The following AK5 variants were observed in gnomAD, a reference collection of about 807,000 sequenced individuals.
The protein encoded by AK5 is adenylate kinase 5, also known as adenylate kinase isoenzyme 5.
A neutral mutation model predicts 69.5 loss-of-function variants in AK5; 27 were observed. The ratio of observed to expected loss-of-function variants is 0.39; its 90% CI spans 0.29 to 0.54. AK5 has a LOEUF of 0.54. Among genes scored for constraint, AK5 ranks in the 20% least tolerant of loss-of-function variants. The pLI, the probability that AK5 is intolerant of heterozygous loss-of-function variation, is 0.71. For synonymous variants in AK5, 260 were observed against 244.4 expected (o/e 1.06, Z -0.60); for missense variants, 531 against 700.4 (o/e 0.76, Z 2.73).
At chr1:77,398,860 A>C (rs998748798) in intron 6 of AK5, among the ~76,000 whole-genome samples, 3 of 152,148 alleles carry the variant, frequency 2.0e-5, no homozygotes, top group Non-Finnish European at 4.4e-5. Context: ...ATCTATATTG[A>C]ATTGCATCCT....
At chr1:77,341,854 T>C (rs951100525) in intron 6 of AK5, among the ~76,000 whole-genome samples, 2 of 152,126 alleles carry the variant, frequency 1.3e-5, no homozygotes, top group Admixed American at 6.6e-5. Context: ...GGGTGGATGC[T>C]TCTGTGGCTA....
intron 6 of AK5, among the ~76,000 whole-genome samples, chr1:77,353,640 T>C (rs1662335778): frequency 6.6e-6 from 1 of 152,222 alleles, no homozygotes; most frequent in South Asian, 2.1e-4. Flanking sequence ...ACTCTGACAT[T>C]ACTCCTTGAT....
At chr1:77,445,324 C>T (rs1022157521) in intron 8 of AK5, among the ~76,000 whole-genome samples, 4 of 152,142 alleles carry the variant, frequency 2.6e-5, no homozygotes, top group Non-Finnish European at 5.9e-5. Flanking sequence ...GCAATCCTAA[C>T]AAGTGTGAAG....
intron 5 of AK5, among the ~76,000 whole-genome samples, chr1:77,303,345 A>T (rs1453493368): frequency 6.6e-6 from 1 of 152,246 alleles, no homozygotes; most frequent in African/African-American, 2.4e-5. Context: ...ACCATATGAG[A>T]AATCAAAACA....
chr1:77,534,799 C>T (rs189607260), intron 12 of AK5, among the ~76,000 whole-genome samples: 62 of 152,314 alleles, frequency 4.1e-4, no homozygotes, highest in Admixed American at 1.1e-3. Context: ...ATAGCCATTG[C>T]ACTCCAGCCT....
chr1:77,282,583 A>G, intron 1 of AK5: 1 of 1,342,154 alleles, frequency 7.5e-7, no homozygotes, highest in Non-Finnish European at 9.6e-7. Context: ...AGAAGCCTGC[A>G]TCTCACAGAT....
At chr1:77,310,332 A>G (rs1427663381) in intron 5 of AK5, among the ~76,000 whole-genome samples, 1 of 151,972 alleles carries the variant, frequency 6.6e-6, no homozygotes, top group East Asian at 1.9e-4. Context: ...AATCTAAATT[A>G]TATCCTGATA....
intron 8 of AK5, among the ~76,000 whole-genome samples, chr1:77,423,624 G>A (rs532159300): frequency 1.5e-3 from 228 of 152,000 alleles, no homozygotes; most frequent in African/African-American, 5.4e-3. Flanking sequence ...AAGCAGAAAC[G>A]TCTGTAGAAG....
In AK5 at chr1:77,282,115, G is replaced by A. The variant is rs904584616; in HGVS notation, c.-199G>A. The A allele has an allele frequency of 1.0e-4, 45 of 432,480 alleles. No individual in the cohort carries two copies. Among genetic ancestry groups the A allele is most frequent in the Non-Finnish European group, 1.6e-4 (40 of 244,658 alleles). 26.8% of individuals were successfully genotyped at this position (432,480 alleles called of 1,614,324 possible). A position where few individuals can be genotyped will look rare whatever the true frequency, so the allele number is the denominator to read the frequency against. ...GCTGGAACCGAAGCGGGGGCGGCGG[G>A]AGCGCGGAGACCACAGCCCCCGGGG... On this transcript the variant is annotated 5_prime_UTR_variant, in exon 1 of 14. Transcript: ENST00000354567.
At position 77,558,735 on chromosome 1, in the gene AK5, A is replaced by AATG. The variant is rs1263261874; in HGVS notation, c.*66_*68dup. Reference sequence around the variant, plus strand: ...CATTAAAAAGTTCATTCCTTAACACAATGTTTCAAGTTAAACCTTTTGTGT... The same window carrying AATG: ...CATTAAAAAGTTCATTCCTTAACACAATGATGTTTCAAGTTAAACCTTTTGTGT... On this transcript the variant is annotated 3_prime_UTR_variant, in exon 14 of 14. Coordinates refer to ENST00000354567, the MANE Select transcript of AK5 (RefSeq NM_174858.3). 52 of 1,189,442 alleles carry AATG rather than the reference A, an allele frequency of 4.4e-5. No individual in the cohort carries two copies. The highest frequency in any genetic ancestry group is 6.3e-5 in the Non-Finnish European group (50 of 798,672). The allele number at this position is 1,189,442 out of a possible 1,614,324, so 73.7% of individuals were successfully genotyped here.
intron 10 of AK5, among the ~76,000 whole-genome samples, chr1:77,496,989 A>C (rs1383554522): frequency 6.6e-6 from 1 of 152,232 alleles, no homozygotes; most frequent in Non-Finnish European, 1.5e-5. Context: ...TGGCCACCCC[A>C]GCCAGCAGCA....
rs1259306937 is a variant in AK5 at position 77,524,897 on chromosome 1, A to AGTTT, written c.1428+2967_1428+2970dup. Among the ~76,000 whole-genome samples, 6 of 152,108 alleles carry AGTTT rather than the reference A, an allele frequency of 3.9e-5. No individual in the cohort carries two copies. The East Asian group carries it at 1.2e-3, about 29-fold the overall frequency. ...CTTATATATTTAGGTATTTTGATCCAGTTTGTTTGTTTGTTTCTTTGTTTG... is the reference window on the plus strand; with the variant it reads ...CTTATATATTTAGGTATTTTGATCCAGTTTGTTTGTTTGTTTGTTTCTTTGTTTG... On this transcript the variant is annotated intron_variant, in intron 12 of 13. Transcript: ENST00000354567.
intron 6 of AK5, among the ~76,000 whole-genome samples, chr1:77,374,554 A>G (rs1198352037): frequency 6.6e-6 from 1 of 151,998 alleles, no homozygotes; most frequent in Non-Finnish European, 1.5e-5. Flanking sequence ...AAGAGTATAT[A>G]GTAGAAAAAC....
At chr1:77,338,318 A>G (rs1661477387) in intron 5 of AK5, among the ~76,000 whole-genome samples, 2 of 152,198 alleles carry the variant, frequency 1.3e-5, no homozygotes, top group South Asian at 4.1e-4. Context: ...ACTTGGATAG[A>G]TAGAAGTTTA....
chr1:77,434,209 G>A (rs1042018333), intron 8 of AK5, among the ~76,000 whole-genome samples: 4 of 151,600 alleles, frequency 2.6e-5, no homozygotes, highest in African/African-American at 9.7e-5. Context: ...TTACTTTGCG[G>A]CATACAACAT....
chr1:77,495,692 C>T (rs897927575), intron 10 of AK5, among the ~76,000 whole-genome samples: 3 of 152,084 alleles, frequency 2.0e-5, no homozygotes, highest in African/African-American at 7.2e-5. Context: ...AGTGTTTGAG[C>T]GTGTGATGCT....
intron 7 of AK5, among the ~76,000 whole-genome samples, chr1:77,415,257 G>A (rs907051354): frequency 5.3e-5 from 8 of 152,074 alleles, no homozygotes; most frequent in Non-Finnish European, 1.0e-4. Context: ...TGTAATATCC[G>A]TTAACTGAGT....
chr1:77,487,823 A>T (rs1383296102), intron 10 of AK5, among the ~76,000 whole-genome samples: 1 of 152,234 alleles, frequency 6.6e-6, no homozygotes, highest in East Asian at 1.9e-4. Flanking sequence ...TCACACATTC[A>T]GCCATCTGAC....
intron 5 of AK5, among the ~76,000 whole-genome samples, chr1:77,327,288 A>G (rs1484340170): frequency 6.6e-6 from 1 of 151,552 alleles, no homozygotes; most frequent in Non-Finnish European, 1.5e-5. Context: ...GCTATTCAAG[A>G]GCTGAGGTGG....
Sources: allele counts gnomAD v4.1 joint callset (sites outside exome capture counted in the v4.1 genomes callset), GRCh38; gene constraint gnomAD v4.1.1; transcripts MANE v1.5; gene names NCBI Gene and HGNC (gene_info 2026-07-23, HGNC 2026-07-21).